PAN3: variants seen among roughly 807,000 people sequenced by gnomAD.
PAN3 encodes the protein poly(A) specific ribonuclease subunit PAN3.
A neutral mutation model predicts 96.2 loss-of-function variants in PAN3; 19 were observed. The observed-to-expected ratio is 0.20, with a 90% CI of 0.14 to 0.29. PAN3 has a LOEUF of 0.29. Among genes scored for constraint, PAN3 ranks in the 10% least tolerant of loss-of-function variants. The pLI is 1.00. For synonymous variants in PAN3, 433 were observed against 406.6 expected, an observed-to-expected ratio of 1.06 and a Z score of -0.78; for missense variants, 882 against 1,108.1, an observed-to-expected ratio of 0.80 and a Z score of 2.90.
chr13:28,215,013 T>G lies in PAN3; in HGVS notation c.853-5218T>G, dbSNP rs1395559948. The G allele has an allele frequency of 2.4e-5, 30 of 1,238,502 alleles. No homozygotes were observed. In the South Asian group the frequency reaches 2.9e-4, roughly 12 times the overall value. 76.7% of individuals were successfully genotyped at this position (1,238,502 alleles called of 1,614,324 possible). On this transcript the variant is annotated intron_variant, in intron 5 of 18. Coordinates refer to ENST00000380958, the MANE Select transcript of PAN3 (RefSeq NM_175854.8). ...TGAGCCAACTTACAGCCAGAAGAGA[T>G]ATGAGGAAATCATTAAGGAAGTCAG...
At chr13:28,169,205 CATT>C (rs1873968923) in intron 1 of PAN3, among the ~76,000 whole-genome samples, 1 of 129,022 alleles carries the variant, frequency 7.8e-6, no homozygotes, top group South Asian at 2.6e-4. Context: ...TGCATTTTCT[CATT>C]TTTTTTTTGT....
chr13:28,205,106 G>T (rs1879190456), intron 5 of PAN3, among the ~76,000 whole-genome samples: 1 of 151,770 alleles, frequency 6.6e-6, no homozygotes, highest in African/African-American at 2.4e-5. Context: ...AGATCTCGGG[G>T]GCGGTGGGTG....
At chr13:28,151,774 G>A (rs1259435075) in intron 1 of PAN3, among the ~76,000 whole-genome samples, 1 of 152,192 alleles carries the variant, frequency 6.6e-6, no homozygotes, top group Non-Finnish European at 1.5e-5. Context: ...CAGCTGAGAT[G>A]AGGAAGGCTG....
At chr13:28,173,785 A>T (rs753555716) in intron 1 of PAN3, among the ~76,000 whole-genome samples, 1 of 152,254 alleles carries the variant, frequency 6.6e-6, no homozygotes, top group Non-Finnish European at 1.5e-5. Flanking sequence ...GAGAACTATC[A>T]GTATTCCTGA....
intron 18 of PAN3, among the ~76,000 whole-genome samples, chr13:28,290,630 C>T (rs991901102): frequency 6.6e-6 from 1 of 151,936 alleles, no homozygotes; most frequent in Non-Finnish European, 1.5e-5. Context: ...TGCAGTGAGC[C>T]GAGATTGTGC....
chr13:28,208,838 C>T (rs1377326241), intron 5 of PAN3, among the ~76,000 whole-genome samples: 1 of 152,028 alleles, frequency 6.6e-6, no homozygotes, highest in Non-Finnish European at 1.5e-5. Flanking sequence ...ACGATAATTC[C>T]ATTCAGCGAT....
chr13:28,288,669 T>C (rs138143638), intron 18 of PAN3, among the ~76,000 whole-genome samples: 23 of 152,304 alleles, frequency 1.5e-4, no homozygotes, highest in African/African-American at 4.3e-4. Context: ...GCTTCCCTCC[T>C]TTATGCAATG....
intron 6 of PAN3, among the ~76,000 whole-genome samples, chr13:28,252,188 C>CTTTTTTTTTTTTTT (rs10545190): frequency 8.9e-6 from 1 of 112,538 alleles, no homozygotes. Context: ...GCGACGGGCC[C>CTTTTTTTTTTTTTT]TTTTTTTTTT....
At chr13:28,174,711 A>T (rs1478363407) in intron 2 of PAN3, among the ~76,000 whole-genome samples, 1 of 152,336 alleles carries the variant, frequency 6.6e-6, no homozygotes, top group Non-Finnish European at 1.5e-5. Flanking sequence ...TGTTTTAAGC[A>T]GGTTATACAT....
At chr13:28,252,039 C>T (rs527346187) in intron 6 of PAN3, among the ~76,000 whole-genome samples, 11 of 151,978 alleles carry the variant, frequency 7.2e-5, no homozygotes, top group African/African-American at 2.2e-4. Flanking sequence ...AGGTGCGCAC[C>T]ACCACACCCA....
chr13:28,213,481 AATATCCTGC>A (rs1466027030), intron 5 of PAN3, among the ~76,000 whole-genome samples: 1 of 152,192 alleles, frequency 6.6e-6, no homozygotes, highest in Non-Finnish European at 1.5e-5. Context: ...ACTTGGAAAA[AATATCCTGC>A]AAAAATGCAG....
At chr13:28,195,124 C>T (rs532122779) in intron 4 of PAN3, among the ~76,000 whole-genome samples, 3 of 152,202 alleles carry the variant, frequency 2.0e-5, no homozygotes, top group Admixed American at 6.5e-5. Context: ...AAACTCTGTT[C>T]GTTAGGCTGA....
chr13:28,292,495 G>C lies in PAN3; in HGVS notation c.2637G>C (p.Leu879=), dbSNP rs1869877299. ...KRCFENTFQE[L]IAAANGQL is the part of the protein sequence containing the mutation. ...GCTTTGAAAATACTTTTCAAGAACT[G>C]ATTGCAGCTGCAAATGGTCAGTTGT... The change falls in exon 19 of 19, where the codon CTG becomes CTC. Residue 879 remains leucine (L), a synonymous_variant. Coordinates refer to ENST00000380958, the MANE Select transcript of PAN3 (RefSeq NM_175854.8). The C allele has an allele frequency of 1.2e-6, 2 of 1,612,136 alleles. No individual in the cohort carries two copies.
chr13:28,198,047 C>T (rs928794613), intron 5 of PAN3, among the ~76,000 whole-genome samples: 6 of 151,842 alleles, frequency 4.0e-5, no homozygotes, highest in Admixed American at 2.6e-4. Flanking sequence ...CCGAGGAAGG[C>T]GTATCACCTG....
intron 14 of PAN3, among the ~76,000 whole-genome samples, chr13:28,273,717 A>G (rs1343986089): frequency 1.3e-5 from 2 of 150,986 alleles, no homozygotes; most frequent in African/African-American, 4.8e-5. Flanking sequence ...GGCAGCTATG[A>G]TTTTAAGACA....
intron 5 of PAN3, chr13:28,215,428 A>G (rs1227545736): frequency 2.8e-6 from 2 of 709,942 alleles, no homozygotes; most frequent in Non-Finnish European, 5.2e-6. Flanking sequence ...TCTTGGAGAC[A>G]TTATGGGCTT....
intron 17 of PAN3, among the ~76,000 whole-genome samples, chr13:28,283,993 C>T (rs1234009494): frequency 6.6e-6 from 1 of 152,088 alleles, no homozygotes; most frequent in Admixed American, 6.5e-5. Flanking sequence ...CTAGGGTGGG[C>T]GGTACTGTAG....
intron 14 of PAN3, among the ~76,000 whole-genome samples, chr13:28,276,005 T>G (rs536965322): frequency 5.9e-5 from 9 of 152,212 alleles, no homozygotes; most frequent in Non-Finnish European, 1.3e-4. Context: ...AGGCTGTTGT[T>G]AAGTATAACC....
chr13:28,239,201 G>GCGCACACA (rs1555286477), intron 6 of PAN3, among the ~76,000 whole-genome samples: 2 of 101,292 alleles, frequency 2.0e-5, no homozygotes, highest in Admixed American at 1.4e-4. Flanking sequence ...ATGCACACAC[G>GCGCACACA]CACACACACA....
Sources: allele counts gnomAD v4.1 joint callset (sites outside exome capture counted in the v4.1 genomes callset), GRCh38; gene constraint gnomAD v4.1.1; transcripts MANE v1.5; gene names NCBI Gene and HGNC (gene_info 2026-07-23, HGNC 2026-07-21).